The following DNAH7 variants were observed in gnomAD, a reference collection of about 807,000 sequenced individuals.
DNAH7 encodes the protein dynein axonemal heavy chain 7.
In DNAH7, 397 loss-of-function variants were observed where a neutral mutation model predicts 444.6. That is an observed-to-expected ratio of 0.89 (90% confidence interval 0.82 to 0.97). The LOEUF is 0.97. Among genes scored for constraint, DNAH7 ranks in the 50% least tolerant of loss-of-function variants. The probability of loss-of-function intolerance (pLI) is 0.00; values close to 1 mark genes in which losing one functional copy is unlikely to be tolerated. For synonymous variants in DNAH7, 1,636 were observed against 1,624.4 expected, an observed-to-expected ratio of 1.01 and a Z score of -0.17; for missense variants, 4,902 against 4,800.8, an observed-to-expected ratio of 1.02 and a Z score of -0.62.
chr2:196,028,164 T>C (rs1171422831), intron 5 of DNAH7, 117 bp from the exon 6 acceptor site: 4 of 796,470 alleles, frequency 5.0e-6, no homozygotes, highest in East Asian at 5.5e-5. Context: ...AAATGAATTG[T>C]TGAACATTTT....
At chr2:195,774,297 A>G (rs1694970569) in intron 60 of DNAH7, among the ~76,000 whole-genome samples, 1 of 152,238 alleles carries the variant, frequency 6.6e-6, no homozygotes, top group Non-Finnish European at 1.5e-5. Context: ...ATGTTTGCAC[A>G]TATACTTTTA....
At chr2:195,799,714 T>C (rs1363581731) in intron 54 of DNAH7, among the ~76,000 whole-genome samples, 1 of 152,202 alleles carries the variant, frequency 6.6e-6, no homozygotes, top group Non-Finnish European at 1.5e-5. Flanking sequence ...AGACTTTTTT[T>C]GTCCCCTTGA....
chr2:195,794,353 G>T lies in DNAH7; in HGVS notation c.10701C>A (p.Gly3567=). The change falls in exon 57 of 65, where the codon GGC becomes GGA. Residue 3567 remains glycine, a synonymous_variant. Coordinates refer to ENST00000312428, the MANE Select transcript of DNAH7 (RefSeq NM_018897.3). Reference sequence around the variant, plus strand: ...CATTACTAACAGGCTTTTTGCAGCTGCCAAAGAACTCCGGATCAGAGATCG... The same window carrying T: ...CATTACTAACAGGCTTTTTGCAGCTTCCAAAGAACTCCGGATCAGAGATCG... ...MDPISDPEFF[G]SCKKPEEFKK... is the part of the protein sequence containing the mutation. The T allele has an allele frequency of 6.2e-7, 1 of 1,614,096 alleles. No individual in the cohort carries two copies. The highest frequency in any genetic ancestry group is 1.7e-5 in the Admixed American group (1 of 60,016).
At chr2:196,046,824 C>A (rs531923276) in intron 5 of DNAH7, among the ~76,000 whole-genome samples, 1 of 152,080 alleles carries the variant, frequency 6.6e-6, no homozygotes, top group Non-Finnish European at 1.5e-5. Flanking sequence ...AGAATCATAA[C>A]GAAACTAAAG....
chr2:195,978,707 G>A (rs1692362395), intron 15 of DNAH7, among the ~76,000 whole-genome samples: 1 of 152,078 alleles, frequency 6.6e-6, no homozygotes, highest in South Asian at 2.1e-4. Context: ...GACACACATA[G>A]CCTGACAATA....
At chr2:196,021,569 C>A (rs112754329) in intron 8 of DNAH7, among the ~76,000 whole-genome samples, 5,823 of 152,096 alleles carry the variant, frequency 0.038, 352 homozygotes, top group African/African-American at 0.13. Flanking sequence ...CCTGTAATCC[C>A]AGCACTTTGG....
At position 195,864,950 on chromosome 2, in the gene DNAH7, T is replaced by C; in HGVS notation, c.6705A>G (p.Glu2235=). 1 of 1,609,550 alleles carries C rather than the reference T, an allele frequency of 6.2e-7. No individual in the cohort carries two copies. Among genetic ancestry groups the C allele is most frequent in the Non-Finnish European group, 8.5e-7 (1 of 1,179,976 alleles). The change falls in exon 41 of 65, where the codon GAA becomes GAG. Residue 2235 remains glutamate, a synonymous_variant. Coordinates refer to ENST00000312428, the MANE Select transcript of DNAH7 (RefSeq NM_018897.3). The stretch of plus-strand genomic sequence containing the variant: ...CTTCATACATGTAGTTTCTCAAAAT[T>C]TCTTGAATGTAGTTGATGAGCCAGC... ...DRSWLINYIQ[E]ILRNYMYEDF...
intron 46 of DNAH7, among the ~76,000 whole-genome samples, chr2:195,849,750 C>G (rs1699235781): frequency 6.6e-6 from 1 of 152,018 alleles, no homozygotes; most frequent in African/African-American, 2.4e-5. Context: ...TACAGGCACA[C>G]ACCACCATGC....
At chr2:195,971,932 G>A (rs1691872160) in intron 16 of DNAH7, among the ~76,000 whole-genome samples, 1 of 152,080 alleles carries the variant, frequency 6.6e-6, no homozygotes, top group African/African-American at 2.4e-5. Flanking sequence ...TATAAATTAT[G>A]TAAGATAAAT....
chr2:196,058,017 TA>T, intron 2 of DNAH7, 36 bp downstream of exon 2: 1 of 1,385,690 alleles, frequency 7.2e-7, no homozygotes, highest in Non-Finnish European at 9.6e-7. Context: ...AACATTATCA[TA>T]AAGGAATGAA....
Position 196,036,239 on chromosome 2 carries a change from G to A in DNAH7, c.399-8192C>T, listed in dbSNP as rs370443048. Among the ~76,000 whole-genome samples the A allele has an allele frequency of 8.3e-4, 126 of 152,000 alleles. 3 individuals carry two copies. The East Asian group carries it at 0.015, about 18-fold the overall frequency. On this transcript the variant is annotated intron_variant, in intron 5 of 64. Transcript: ENST00000312428. ...AGTAGGGACAGGGTTTCGCCATGTT[G>A]GCCAGGCTGGTCTCGAACTCCTGAC...
intron 58 of DNAH7, among the ~76,000 whole-genome samples, chr2:195,778,416 T>A (rs1434091249): frequency 2.0e-5 from 3 of 149,598 alleles, no homozygotes; most frequent in African/African-American, 7.4e-5. Flanking sequence ...GGCGAGAGAA[T>A]CACTTGAGCC....
rs190729048 is a variant in DNAH7 at position 196,058,657 on chromosome 2, A to G, written c.16-541T>C. On this transcript the variant is annotated intron_variant, in intron 1 of 64. Transcript: ENST00000312428. ...ACAAAAGTGTAAGACCTATACAATG[A>G]AACCATAAAACATTATTGAAAAAAA... Among the ~76,000 whole-genome samples, 1,135 of 152,346 alleles carry G rather than the reference A, an allele frequency of 7.5e-3. 6 individuals carry two copies. The highest frequency in any genetic ancestry group is 0.011 in the Non-Finnish European group (717 of 68,024).
chr2:196,020,068 A>G (rs949636693), intron 8 of DNAH7, among the ~76,000 whole-genome samples: 2 of 151,968 alleles, frequency 1.3e-5, no homozygotes, highest in African/African-American at 2.4e-5. Context: ...CTTCTACTTT[A>G]TGAATAGTAA....
chr2:195,916,585 CAGTGG>C (rs938363947), intron 24 of DNAH7, among the ~76,000 whole-genome samples: 34 of 152,194 alleles, frequency 2.2e-4, no homozygotes, highest in Non-Finnish European at 4.6e-4. Flanking sequence ...TGGCTGGGCA[CAGTGG>C]CCCACACCTG....
Position 196,042,366 on chromosome 2 carries a change from T to C in DNAH7, c.398+4986A>G, listed in dbSNP as rs181690208. 3.3e-3 allele frequency among the ~76,000 whole-genome samples: 507 copies of C among 152,130 alleles called. 2 individuals carry two copies. Among genetic ancestry groups the C allele is most frequent in the Admixed American group, 4.6e-3 (70 of 15,268 alleles). ...TGATTGTAGACATATATTGAAATAT[T>C]ACATGTATCCCATAAATATATAAAA... On this transcript the variant is annotated intron_variant, in intron 5 of 64. Coordinates refer to ENST00000312428, the MANE Select transcript of DNAH7 (RefSeq NM_018897.3).
intron 58 of DNAH7, among the ~76,000 whole-genome samples, chr2:195,782,516 T>C (rs926556857): frequency 2.0e-5 from 3 of 152,202 alleles, no homozygotes; most frequent in African/African-American, 4.8e-5. Flanking sequence ...CATTTTTTAT[T>C]TAATACATTT....
Position 195,850,788 on chromosome 2 carries a change from A to C in DNAH7, c.8781+2555T>G, listed in dbSNP as rs571416491. ...TGTGAGGGGACATGCTGAGGAAAGG[A>C]TGCAGGGGGAAGCAGGACAAGGAGG... On this transcript the variant is annotated intron_variant, in intron 46 of 64. Transcript: ENST00000312428. 1.1e-4 allele frequency among the ~76,000 whole-genome samples: 17 copies of C among 152,230 alleles called. No homozygotes were observed. The South Asian group carries it at 2.7e-3, about 24-fold the overall frequency.
chr2:195,886,471 C>A (rs576800394), intron 33 of DNAH7, among the ~76,000 whole-genome samples, 199 bp from the exon 34 acceptor site: 1 of 152,156 alleles, frequency 6.6e-6, no homozygotes, highest in African/African-American at 2.4e-5. Flanking sequence ...TACTCTTTAA[C>A]CTTTCGCATC....
Sources: allele counts gnomAD v4.1 joint callset (sites outside exome capture counted in the v4.1 genomes callset), GRCh38; gene constraint gnomAD v4.1.1; transcripts MANE v1.5; gene names NCBI Gene and HGNC (gene_info 2026-07-23, HGNC 2026-07-21).